Variants in VPS13D observed in about 807,000 individuals in gnomAD.
VPS13D encodes the protein intermembrane lipid transfer protein VPS13D.
VPS13D carries 187 observed loss-of-function variants against 461.9 expected under a neutral mutation model. The ratio of observed to expected loss-of-function variants is 0.40; its 90% CI spans 0.36 to 0.46. The LOEUF (loss-of-function observed/expected upper bound fraction) is 0.46, where lower values mean the gene tolerates loss of function less well. VPS13D is among the 20% of genes least tolerant of loss of function. The probability of loss-of-function intolerance (pLI) is 0.60; values close to 1 mark genes in which losing one functional copy is unlikely to be tolerated. For missense variants in VPS13D, 4,711 were observed against 5,364.9 expected (o/e 0.88, Z 3.81); for synonymous variants, 1,951 against 1,986.3 (o/e 0.98, Z 0.47).
At chr1:12,403,685 G>A (rs1644610165) in intron 62 of VPS13D, 140 bp from the exon 63 acceptor site, 2 of 750,620 alleles carry the variant, frequency 2.7e-6, no homozygotes, top group South Asian at 2.1e-5. Context: ...ACACGTCACT[G>A]TACCCTCACA....
chr1:12,378,311 C>G (rs1245817437), intron 55 of VPS13D, 117 bp from the exon 56 acceptor site: 1 of 925,988 alleles, frequency 1.1e-6, no homozygotes, highest in East Asian at 2.9e-5. Context: ...TGGAAAACGT[C>G]TAAATAAACT....
chr1:12,297,421 A>T (rs1161537902), intron 24 of VPS13D, among the ~76,000 whole-genome samples: 1 of 152,188 alleles, frequency 6.6e-6, no homozygotes, highest in East Asian at 1.9e-4. Context: ...TCATTCACCT[A>T]GCAACTGGTA....
At chr1:12,396,589 T>A (rs1644502382) in intron 60 of VPS13D, among the ~76,000 whole-genome samples, 1 of 152,218 alleles carries the variant, frequency 6.6e-6, no homozygotes, top group African/African-American at 2.4e-5. Flanking sequence ...AGACTGTGGT[T>A]CTTTTTCCCA....
chr1:12,372,921 T>G (rs1363388379), intron 54 of VPS13D, among the ~76,000 whole-genome samples: 1 of 151,846 alleles, frequency 6.6e-6, no homozygotes, highest in Non-Finnish European at 1.5e-5. Flanking sequence ...TAGGATTCTT[T>G]AGCTTCAGAG....
chr1:12,309,721 C>T (rs373539310), intron 27 of VPS13D, among the ~76,000 whole-genome samples: 4 of 147,410 alleles, frequency 2.7e-5, no homozygotes, highest in African/African-American at 7.6e-5. Context: ...TAGATTGAGC[C>T]GCTGCACTTC....
At chr1:12,484,043 T>C (rs1645761903) in intron 67 of VPS13D, among the ~76,000 whole-genome samples, 1 of 152,186 alleles carries the variant, frequency 6.6e-6, no homozygotes, top group Admixed American at 6.5e-5. Context: ...CCAGATGTTT[T>C]TGGATTATAT....
intron 2 of VPS13D, 55 bp from the exon 3 acceptor site, chr1:12,242,458 G>C (rs1472055142): frequency 2.9e-5 from 43 of 1,477,888 alleles, no homozygotes; most frequent in Non-Finnish European, 4.1e-5. Context: ...ACACACAGTA[G>C]GTGGCCTACT....
At chr1:12,275,754 AATT>A in intron 18 of VPS13D, 68 bp from the exon 19 acceptor site, 1 of 1,460,088 alleles carries the variant, frequency 6.8e-7, no homozygotes, top group Non-Finnish European at 9.1e-7. Flanking sequence ...TACCTTTCAT[AATT>A]ATTACATTAA....
Position 12,258,057 on chromosome 1 carries a change from A to G in VPS13D, c.1064A>G (p.Lys355Arg), listed in dbSNP as rs1225800922. ...CGTGATGCTGTATCTTACACTGACA[A>G]ATATTTCAACAAGTTAAAAGGAGGC... ...RARDAVSYTD[K>R]YFNKLKGGLL... The change falls in exon 10 of 70, where the codon AAA becomes AGA. Residue 355 changes from lysine to arginine, a missense_variant. Lys to Arg is a conservative substitution (Grantham distance 26, BLOSUM62 2). Around this residue, in one of 3 missense-constraint regions of VPS13D, gnomAD observed 4,411 missense variants for 4,937.8 expected, o/e 0.89. Transcript: ENST00000620676. The G allele has an allele frequency of 6.2e-7, 1 of 1,614,100 alleles. No homozygotes were observed. Among genetic ancestry groups the G allele is most frequent in the Non-Finnish European group, 8.5e-7 (1 of 1,180,048 alleles).
intron 64 of VPS13D, among the ~76,000 whole-genome samples, chr1:12,416,125 G>A (rs758516242): frequency 4.6e-5 from 7 of 152,348 alleles, no homozygotes; most frequent in African/African-American, 7.2e-5. Flanking sequence ...CAAGGCTGCA[G>A]TGAGCCACGG....
intron 48 of VPS13D, 64 bp from the exon 49 acceptor site, chr1:12,356,334 C>A (rs891038826): frequency 6.5e-7 from 1 of 1,543,384 alleles, no homozygotes; most frequent in Admixed American, 2.0e-5. Context: ...TATTCATTCA[C>A]CATTTGCATC....
chr1:12,271,157 T>A (rs747883067), intron 17 of VPS13D, 33 bp downstream of exon 17: 5 of 1,612,914 alleles, frequency 3.1e-6, no homozygotes, highest in Admixed American at 1.7e-5. Flanking sequence ...TCTTTGGGGA[T>A]TGGGGAAGGG....
intron 30 of VPS13D, 60 bp from the exon 31 acceptor site, chr1:12,318,012 G>GT: frequency 6.5e-7 from 1 of 1,528,194 alleles, no homozygotes; most frequent in East Asian, 2.3e-5. Context: ...ACATTTGCAG[G>GT]TTATTGAAAT....
At chr1:12,318,996 A>C (rs759228541) in intron 31 of VPS13D, among the ~76,000 whole-genome samples, 4 of 152,216 alleles carry the variant, frequency 2.6e-5, no homozygotes, top group Non-Finnish European at 4.4e-5. Flanking sequence ...TTTACTATTA[A>C]ATATATACAC....
intron 5 of VPS13D, among the ~76,000 whole-genome samples, chr1:12,246,115 G>T (rs2101217028): frequency 6.6e-6 from 1 of 152,310 alleles, no homozygotes; most frequent in East Asian, 1.9e-4. Flanking sequence ...GAGCTTGAGG[G>T]TGCAGGGAGG....
chr1:12,338,432 A>G, intron 40 of VPS13D, 127 bp downstream of exon 40: 1 of 758,344 alleles, frequency 1.3e-6, no homozygotes. Flanking sequence ...CTTTAGTAAT[A>G]GGAAAGAACA....
chr1:12,480,502 T>C (rs1645700281), intron 67 of VPS13D, among the ~76,000 whole-genome samples: 2 of 152,080 alleles, frequency 1.3e-5, no homozygotes, highest in South Asian at 2.1e-4. Context: ...AACCTAGAAA[T>C]TGGCTCTGGT....
chr1:12,437,560 C>A (rs1246357946), intron 65 of VPS13D, among the ~76,000 whole-genome samples: 2 of 152,168 alleles, frequency 1.3e-5, no homozygotes, highest in Non-Finnish European at 2.9e-5. Flanking sequence ...GGGAAGAGCA[C>A]ATTACATATG....
chr1:12,242,584 A>G lies in VPS13D; in HGVS notation c.169A>G (p.Lys57Glu). 1 of 1,614,084 alleles carries G rather than the reference A, an allele frequency of 6.2e-7. No homozygotes were observed. Among genetic ancestry groups the G allele is most frequent in the Non-Finnish European group, 8.5e-7 (1 of 1,179,920 alleles). Residue 57 changes from lysine to glutamate, a missense_variant, in exon 3 of 70, where the codon AAA becomes GAA. Lys to Glu is a moderately conservative substitution (Grantham distance 56). Transcript: ENST00000620676. ...AGAATTGGAATTACCATTTGAAGTCAAAGCTGGTATGTGGAACTAAAGGAG... is the reference window on the plus strand; with the variant it reads ...AGAATTGGAATTACCATTTGAAGTCGAAGCTGGTATGTGGAACTAAAGGAG... Reference protein sequence around the residue: ...LKELELPFEVKAGFIGKVTLQ... With the variant: ...LKELELPFEVEAGFIGKVTLQ...
Sources: allele counts gnomAD v4.1 joint callset (sites outside exome capture counted in the v4.1 genomes callset), GRCh38; gene constraint gnomAD v4.1.1; regional missense constraint gnomAD v4.1.1; transcripts MANE v1.5; gene names NCBI Gene and HGNC (gene_info 2026-07-23, HGNC 2026-07-21).